Variants in CELF2 observed in about 807,000 individuals in gnomAD.
The protein encoded by CELF2 is CUGBP Elav-like family member 2, also known as CUG triplet repeat RNA-binding protein 2.
CELF2 carries 8 observed loss-of-function variants against 62.6 expected under a neutral mutation model. The observed-to-expected ratio is 0.13, with a 90% confidence interval of 0.07 to 0.23. The LOEUF (loss-of-function observed/expected upper bound fraction) is 0.23, where lower values mean the gene tolerates loss of function less well. CELF2 is among the 10% of genes least tolerant of loss of function. The pLI, the probability that CELF2 is intolerant of heterozygous loss-of-function variation, is 1.00. For synonymous variants in CELF2, 258 were observed against 250.0 expected, an observed-to-expected ratio of 1.03 and a Z score of -0.30; for missense variants, 333 against 671.0, an observed-to-expected ratio of 0.50 and a Z score of 5.56.
At chr10:10,596,497 CAGG>C in the CELF2 span, among the ~76,000 whole-genome samples, 16 of 152,090 alleles carry the variant, frequency 1.1e-4, no homozygotes, top group Admixed American at 1.0e-3. Flanking sequence ...GCAATCTGTG[CAGG>C]AGGAGACCCA....
chr10:10,731,387 C>T, the CELF2 span, among the ~76,000 whole-genome samples: 1 of 152,018 alleles, frequency 6.6e-6, no homozygotes, highest in Non-Finnish European at 1.5e-5. Flanking sequence ...TCTTGAATTT[C>T]CATGTCTAAT....
intron 1 of CELF2, among the ~76,000 whole-genome samples, chr10:11,129,512 C>CT (rs1289191841): frequency 2.0e-5 from 3 of 152,130 alleles, no homozygotes; most frequent in African/African-American, 7.2e-5. Flanking sequence ...TGGTCCTGGC[C>CT]TTTTTTTGGT....
At position 11,305,060 on chromosome 10, in the gene CELF2, G is replaced by GC. The variant is rs59239496; in HGVS notation, c.977-9075dup. ...TCGGCATCTTCTGGTTCAACTCGGT[G>GC]CCCCTCCTCCAGCCCTGGCCCAGTG... On this transcript the variant is annotated intron_variant, in intron 9 of 12. Transcript: ENST00000633077. This position sits in a 1 kb window ranked among gnomAD's most constrained non-coding sequence, Gnocchi z 4.8. Among the ~76,000 whole-genome samples, 104,282 of 152,000 alleles carry GC rather than the reference G, an allele frequency of 0.69. 39,486 individuals are homozygous for GC. The highest frequency in any genetic ancestry group is 0.89 in the East Asian group (4,617 of 5,164).
At position 11,017,884 on chromosome 10, in the gene CELF2, C is replaced by T. The variant is rs1478243769; in HGVS notation, c.-206C>T. 2.2e-6 allele frequency: 2 copies of T among 930,176 alleles called. No individual in the cohort carries two copies. The highest frequency in any genetic ancestry group is 3.6e-5 in the African/African-American group (2 of 55,752). The allele number at this position is 930,176 out of a possible 1,614,324, so 57.6% of individuals were successfully genotyped here. On this transcript the variant is annotated 5_prime_UTR_variant, in exon 1 of 13. Coordinates refer to ENST00000633077, the MANE Select transcript of CELF2 (RefSeq NM_001326342.2). This position sits in a 1 kb window ranked among gnomAD's most constrained non-coding sequence, Gnocchi z 5.5. ...CCCCGCGAGCTCCGCCCCCGCCCGC[C>T]GCACCTGGCGCTCGGCAGCCGGCCG...
At chr10:10,568,689 A>G in the CELF2 span, among the ~76,000 whole-genome samples, 5 of 152,194 alleles carry the variant, frequency 3.3e-5, no homozygotes, top group Admixed American at 6.5e-5. Flanking sequence ...GGATGTAATG[A>G]TAGAGAAAGA....
In CELF2 at chr10:11,110,399, A is replaced by G. The variant is rs781379796; in HGVS notation, c.75-55087A>G. Reference sequence around the variant, plus strand: ...AGTGGAACAGAAAAAATGTGAAACGATGAAGTTTTAGGAAGCCATCTAACG... The same window carrying G: ...AGTGGAACAGAAAAAATGTGAAACGGTGAAGTTTTAGGAAGCCATCTAACG... On this transcript the variant is annotated intron_variant, in intron 1 of 12. Transcript: ENST00000633077. This position sits in a 1 kb window ranked among gnomAD's most constrained non-coding sequence, Gnocchi z 4.0. 1.3e-5 allele frequency among the ~76,000 whole-genome samples: 2 copies of G among 152,240 alleles called. No homozygotes were observed. Among genetic ancestry groups the G allele is most frequent in the Admixed American group, 6.5e-5 (1 of 15,282 alleles).
At chr10:10,574,890 T>TA in the CELF2 span, among the ~76,000 whole-genome samples, 3 of 126,352 alleles carry the variant, frequency 2.4e-5, no homozygotes, top group African/African-American at 9.1e-5. Context: ...TTTTTTTTTT[T>TA]TTTTTTTAAT....
intron 1 of CELF2, among the ~76,000 whole-genome samples, chr10:11,081,395 A>C (rs999320075): frequency 8.5e-5 from 13 of 152,194 alleles, no homozygotes; most frequent in African/African-American, 3.1e-4. Context: ...CTAGCATCCA[A>C]GTTCTCTAAG....
At chr10:10,497,209 A>G in the CELF2 span, among the ~76,000 whole-genome samples, 2 of 123,578 alleles carry the variant, frequency 1.6e-5, no homozygotes, top group Admixed American at 1.9e-4. Context: ...AAAAAAAGAT[A>G]AAAAGAAAAA....
intron 1 of CELF2, among the ~76,000 whole-genome samples, chr10:11,132,982 G>A (rs1398627641): frequency 2.0e-5 from 3 of 152,166 alleles, no homozygotes; most frequent in Non-Finnish European, 4.4e-5. Flanking sequence ...AGCAGGGATG[G>A]CAGCAATGTT....
intron 1 of CELF2, among the ~76,000 whole-genome samples, chr10:11,050,609 C>T (rs184936561): frequency 1.3e-5 from 2 of 152,284 alleles, no homozygotes; most frequent in Admixed American, 6.5e-5. Flanking sequence ...TTGGGTTGAG[C>T]ACTTAGCTCT....
At chr10:10,579,361 C>T in the CELF2 span, among the ~76,000 whole-genome samples, 3 of 152,092 alleles carry the variant, frequency 2.0e-5, no homozygotes, top group Non-Finnish European at 4.4e-5. Flanking sequence ...GTACTCATTG[C>T]CTTTCTCCAG....
chr10:11,277,542 C>T (rs757563056), intron 8 of CELF2, among the ~76,000 whole-genome samples: 7 of 152,174 alleles, frequency 4.6e-5, no homozygotes, highest in East Asian at 1.9e-4. Flanking sequence ...TGAGTATCCT[C>T]GAGTGGATGA....
intron 1 of CELF2, among the ~76,000 whole-genome samples, chr10:10,836,771 G>T (rs2058321860): frequency 6.6e-6 from 1 of 152,172 alleles, no homozygotes; most frequent in South Asian, 2.1e-4. Flanking sequence ...GAGTAACTGG[G>T]ACAACAGGCA....
In CELF2 at chr10:11,208,669, G is replaced by A. The variant is rs144660889; in HGVS notation, c.272-8756G>A. On this transcript the variant is annotated intron_variant, in intron 2 of 12. Coordinates refer to ENST00000633077, the MANE Select transcript of CELF2 (RefSeq NM_001326342.2). ...TCTGGCCAGTTTTGTACAGAATGAC[G>A]GAAGGAAAGTTAGAGCAGTATTTTT... is the stretch of plus-strand genomic sequence containing the variant. Among the ~76,000 whole-genome samples the A allele has an allele frequency of 2.0e-3, 305 of 152,310 alleles. 5 individuals carry two copies. In the Middle Eastern group the frequency reaches 0.024, roughly 12 times the overall value.
At chr10:10,594,057 A>G in the CELF2 span, among the ~76,000 whole-genome samples, 4 of 152,216 alleles carry the variant, frequency 2.6e-5, no homozygotes, top group Non-Finnish European at 4.4e-5. Flanking sequence ...AGCAGTTACG[A>G]TCCAGATACA....
In CELF2 at chr10:11,155,805, C is replaced by T. The variant is rs187775136; in HGVS notation, c.75-9681C>T. Among the ~76,000 whole-genome samples, 12 of 152,248 alleles carry T rather than the reference C, an allele frequency of 7.9e-5. No individual in the cohort carries two copies. In the East Asian group the frequency reaches 1.7e-3, roughly 22 times the overall value. On this transcript the variant is annotated intron_variant, in intron 1 of 12. Transcript: ENST00000633077. Reference sequence around the variant, plus strand: ...ACAGTGGCGTCCTTAATCTCAAGTGCGTTCACATCCAACCTCACACTGCTG... The same window carrying T: ...ACAGTGGCGTCCTTAATCTCAAGTGTGTTCACATCCAACCTCACACTGCTG...
At chr10:11,050,224 C>G (rs529753512) in intron 1 of CELF2, among the ~76,000 whole-genome samples, 1 of 152,154 alleles carries the variant, frequency 6.6e-6, no homozygotes, top group South Asian at 2.1e-4. Flanking sequence ...ATTTGTGTCC[C>G]GAACTCTTTG....
Position 11,139,750 on chromosome 10 carries a change from G to A in CELF2, c.75-25736G>A, listed in dbSNP as rs1012849688. Among the ~76,000 whole-genome samples, 4 of 151,772 alleles carry A rather than the reference G, an allele frequency of 2.6e-5. No individual in the cohort carries two copies. In the East Asian group the frequency reaches 7.7e-4, roughly 29 times the overall value. ...CCTGCTATCTGATGACTTGCCTTAT[G>A]CTTCTTCTAAATTTTAGTTGCACAA... On this transcript the variant is annotated intron_variant, in intron 1 of 12. Coordinates refer to ENST00000633077, the MANE Select transcript of CELF2 (RefSeq NM_001326342.2).
Sources: gnomAD v4.1 joint callset for allele counts (sites outside exome capture counted in the v4.1 genomes callset) on GRCh38, gnomAD v4.1.1 for gene constraint, Gnocchi (gnomAD v3.1) non-coding constraint, MANE v1.5 for transcripts, NCBI Gene and HGNC (gene_info 2026-07-23, HGNC 2026-07-21) for gene names.